The following WSCD1 variants were observed in gnomAD, a reference collection of about 807,000 sequenced individuals.
The protein encoded by WSCD1 is sialate:O-sulfotransferase 1.
In WSCD1, 41 loss-of-function variants were observed where a neutral mutation model predicts 60.4. That is an observed-to-expected ratio of 0.68 (90% CI 0.53 to 0.88). WSCD1 has a LOEUF of 0.88. Ranked by LOEUF, WSCD1 falls within the 40% of genes least tolerant of loss-of-function variation. The pLI is 0.00. For synonymous variants in WSCD1, 361 were observed against 332.5 expected (o/e 1.09, Z -0.93); for missense variants, 784 against 796.2 (o/e 0.98, Z 0.18).
At chr17:6,107,710 G>C (rs1283531733) in intron 5 of WSCD1, among the ~76,000 whole-genome samples, 1 of 152,120 alleles carries the variant, frequency 6.6e-6, no homozygotes, top group Non-Finnish European at 1.5e-5. Flanking sequence ...GAAGGTGTTG[G>C]TGTGGAATGA....
In WSCD1 at chr17:6,118,165, C is replaced by T; in HGVS notation, c.1352C>T (p.Ala451Val). The change falls in exon 8 of 9, where the codon GCT becomes GTT. Residue 451 changes from alanine (A) to valine (V), a missense_variant. Coordinates refer to ENST00000317744, the MANE Select transcript of WSCD1 (RefSeq NM_015253.2). The surrounding 1 kb of genome is among the most constrained non-coding windows in gnomAD (Gnocchi z 5.8). ...RKCAGHLGYA[A>V]DRNWKSKEWP... The stretch of plus-strand genomic sequence containing the variant: ...TGTGCCGGGCACCTGGGATATGCAG[C>T]TGACCGCAACTGGAAGAGCAAAGGT... 1.2e-6 allele frequency: 2 copies of T among 1,614,132 alleles called. No individual in the cohort carries two copies. Among genetic ancestry groups the T allele is most frequent in the Non-Finnish European group, 1.7e-6 (2 of 1,180,028 alleles).
chr17:6,093,744 A>C (rs1316751661), intron 4 of WSCD1, among the ~76,000 whole-genome samples: 1 of 152,204 alleles, frequency 6.6e-6, no homozygotes, highest in African/African-American at 2.4e-5. Flanking sequence ...ATTGTTCCTC[A>C]TGACAACCCT....
chr17:6,088,214 A>G (rs1328848541), intron 3 of WSCD1, 110 bp downstream of exon 3: 1 of 907,294 alleles, frequency 1.1e-6, no homozygotes, highest in Non-Finnish European at 1.7e-6. Flanking sequence ...CATAATTGGA[A>G]CTCACTGCTC....
chr17:6,105,600 C>T (rs778018854), intron 5 of WSCD1, among the ~76,000 whole-genome samples: 2 of 152,294 alleles, frequency 1.3e-5, no homozygotes, highest in Non-Finnish European at 2.9e-5. Flanking sequence ...AATAAAACCA[C>T]ATTACTGTCT....
rs1908459363 is a variant in WSCD1 at position 6,070,431 on chromosome 17, G to GCCCGCCCGC, written c.-503_-495dup. On this transcript the variant is annotated 5_prime_UTR_variant, in exon 1 of 9. Coordinates refer to ENST00000317744, the MANE Select transcript of WSCD1 (RefSeq NM_015253.2). ...CGCTGCCCGCCCCGGCTCCGCGCCC[G>GCCCGCCCGC]CCCGCCCGCCCCGCCGTTCAGCCCG... 1 of 145,674 alleles carries GCCCGCCCGC rather than the reference G, an allele frequency of 6.9e-6. No homozygotes were observed. Among genetic ancestry groups the GCCCGCCCGC allele is most frequent in the South Asian group, 1.9e-4 (1 of 5,242 alleles). 9.0% of individuals were successfully genotyped at this position (145,674 alleles called of 1,614,324 possible). A position where few individuals can be genotyped will look rare whatever the true frequency, so the allele number is the denominator to read the frequency against.
At chr17:6,072,108 G>T (rs1908580671) in intron 1 of WSCD1, among the ~76,000 whole-genome samples, 1 of 152,222 alleles carries the variant, frequency 6.6e-6, no homozygotes, top group Non-Finnish European at 1.5e-5. Context: ...GCCTTCTTCT[G>T]GGGTGAGGGG....
intron 1 of WSCD1, among the ~76,000 whole-genome samples, chr17:6,079,039 G>T (rs979282056): frequency 6.6e-6 from 1 of 152,154 alleles, no homozygotes; most frequent in Admixed American, 6.5e-5. Flanking sequence ...CAGCCTAAAG[G>T]ACCAGCCGAC....
At position 6,090,525 on chromosome 17, in the gene WSCD1, C is replaced by T. The variant is rs765691972; in HGVS notation, c.727+20C>T. On this transcript the variant is annotated intron_variant, in intron 4 of 8. Coordinates refer to ENST00000317744, the MANE Select transcript of WSCD1 (RefSeq NM_015253.2). ...GGAAGCGTGAGTGTGCCAGCCTCTT[C>T]CTGAGCTTTGTCCGTCTGTCCCACC... 3 of 1,610,706 alleles carry T rather than the reference C, an allele frequency of 1.9e-6. No individual in the cohort carries two copies. Among genetic ancestry groups the T allele is most frequent in the South Asian group, 1.1e-5 (1 of 90,550 alleles).
chr17:6,085,428 C>G (rs1167258590), intron 2 of WSCD1, among the ~76,000 whole-genome samples: 1 of 141,488 alleles, frequency 7.1e-6, no homozygotes, highest in Non-Finnish European at 1.5e-5. Context: ...CATGTGTTAC[C>G]TTATGGAATT....
rs534389349 is a variant in WSCD1, at chr17:6,094,199, A to T, written c.728-903A>T. ...CATTCCAGAAAGTTTGTTCAGCTCC[A>T]AGGAAGCCAGCTAGGGCACTGGACT... On this transcript the variant is annotated intron_variant, in intron 4 of 8. Coordinates refer to ENST00000317744, the MANE Select transcript of WSCD1 (RefSeq NM_015253.2). Among the ~76,000 whole-genome samples, 14 of 152,356 alleles carry T rather than the reference A, an allele frequency of 9.2e-5. No homozygotes were observed. In the South Asian group the frequency reaches 2.5e-3, roughly 27 times the overall value.
rs776775780 is a variant in WSCD1, at chr17:6,120,511, C to T, written c.1578C>T (p.Gly526=). The change falls in exon 9 of 9, where the codon GGC becomes GGT. Residue 526 remains glycine (G), a synonymous_variant. Coordinates refer to ENST00000317744, the MANE Select transcript of WSCD1 (RefSeq NM_015253.2). ...TCTGCGTGGAGAACAACAAGGAGGG[C>T]AGCTTCCGGCGGCGCGGCCGGCGCT... ...RLLCVENNKE[G]SFRRRGRRSH... The T allele has an allele frequency of 6.8e-6, 11 of 1,613,688 alleles. No homozygotes were observed. Among genetic ancestry groups the T allele is most frequent in the African/African-American group, 2.7e-5 (2 of 74,946 alleles).
intron 4 of WSCD1, among the ~76,000 whole-genome samples, chr17:6,091,214 G>A (rs7405651): frequency 0.72 from 110,040 of 152,226 alleles, 40,941 homozygotes; most frequent in East Asian, 0.89. Context: ...ATTTCTAGCA[G>A]TGGTGTGAGC....
At chr17:6,107,050 A>G (rs1447033812) in intron 5 of WSCD1, among the ~76,000 whole-genome samples, 3 of 152,174 alleles carry the variant, frequency 2.0e-5, no homozygotes, top group African/African-American at 7.2e-5. Context: ...TCTGAGATCA[A>G]GGTCTCAGCA....
At chr17:6,082,018 T>C (rs4448998) in intron 2 of WSCD1, 147,997 of 152,314 alleles carry the variant, frequency 0.97, 72,029 homozygotes, top group East Asian at 1. Flanking sequence ...ACAGAGGCCC[T>C]GGTATATTAT....
chr17:6,107,464 G>A (rs1481143034), intron 5 of WSCD1, among the ~76,000 whole-genome samples: 1 of 151,996 alleles, frequency 6.6e-6, no homozygotes, highest in Admixed American at 6.6e-5. Context: ...TCCTGCCACA[G>A]CACTCCAGCC....
chr17:6,119,758 A>G (rs987530262), intron 8 of WSCD1, among the ~76,000 whole-genome samples: 2 of 152,152 alleles, frequency 1.3e-5, no homozygotes, highest in South Asian at 4.1e-4. Context: ...GTCATTGTGA[A>G]GATTAGAGAA....
chr17:6,105,875 A>G (rs1911060096), intron 5 of WSCD1, among the ~76,000 whole-genome samples: 2 of 152,202 alleles, frequency 1.3e-5, no homozygotes, highest in South Asian at 4.1e-4. Flanking sequence ...GCTTTCTGAT[A>G]TGGGGAAGAT....
chr17:6,085,520 A>C (rs1909577863), intron 2 of WSCD1, among the ~76,000 whole-genome samples: 1 of 152,102 alleles, frequency 6.6e-6, no homozygotes, highest in South Asian at 2.1e-4. Context: ...GCAGCTGCAC[A>C]TCCCAGCTTG....
intron 2 of WSCD1, among the ~76,000 whole-genome samples, chr17:6,082,394 G>C (rs1235014149): frequency 6.6e-6 from 1 of 152,190 alleles, no homozygotes; most frequent in Non-Finnish European, 1.5e-5. Context: ...CTCAGTACCA[G>C]AGCAGAATAC....
Sources: gnomAD v4.1 joint callset for allele counts (sites outside exome capture counted in the v4.1 genomes callset) on GRCh38, gnomAD v4.1.1 for gene constraint, Gnocchi (gnomAD v3.1) non-coding constraint, MANE v1.5 for transcripts, NCBI Gene and HGNC (gene_info 2026-07-23, HGNC 2026-07-21) for gene names.